PIGL: variants seen among roughly 807,000 people sequenced by gnomAD.
PIGL encodes the protein phosphatidylinositol glycan anchor biosynthesis class L, also known as N-acetylglucosaminyl-phosphatidylinositol de-N-acetylase.
Under a neutral mutation model 31.1 loss-of-function variants are expected in PIGL, and 22 were observed. That is an observed-to-expected ratio of 0.71 (90% CI 0.51 to 1.01). PIGL has a LOEUF of 1.01. Among genes scored for constraint, PIGL ranks in the 50% least tolerant of loss-of-function variants. The probability of loss-of-function intolerance (pLI) is 0.00; values close to 1 mark genes in which losing one functional copy is unlikely to be tolerated. For missense variants in PIGL, 302 were observed against 315.9 expected (o/e 0.96, Z 0.33); for synonymous variants, 131 against 117.4 (o/e 1.12, Z -0.75).
At chr17:16,286,116 G>A (rs972066379) in intron 2 of PIGL, among the ~76,000 whole-genome samples, 4 of 152,266 alleles carry the variant, frequency 2.6e-5, no homozygotes, top group African/African-American at 4.8e-5. Flanking sequence ...AGATGGGCCA[G>A]AGGTGGGTGG....
chr17:16,308,205 T>G (rs1317855223), intron 3 of PIGL, among the ~76,000 whole-genome samples: 14 of 151,920 alleles, frequency 9.2e-5, no homozygotes, highest in Non-Finnish European at 2.1e-4. Flanking sequence ...TGGTGGCAGA[T>G]GCCTGTAATC....
chr17:16,246,670 G>GTTTTTTTTTTTTTT (rs1284256034), intron 2 of PIGL, among the ~76,000 whole-genome samples: 47 of 106,500 alleles, frequency 4.4e-4, no homozygotes, highest in Non-Finnish European at 7.7e-4. Flanking sequence ...CCAGATCAAG[G>GTTTTTTTTTTTTTT]TCTTTTTTTT....
At chr17:16,310,254 A>G (rs1172290360) in intron 3 of PIGL, among the ~76,000 whole-genome samples, 1 of 151,678 alleles carries the variant, frequency 6.6e-6, no homozygotes, top group Non-Finnish European at 1.5e-5. Context: ...TTAAAGTTAC[A>G]GGATCCTAAA....
intron 3 of PIGL, among the ~76,000 whole-genome samples, chr17:16,307,790 G>A (rs1600850410): frequency 6.6e-6 from 1 of 151,764 alleles, no homozygotes; most frequent in Non-Finnish European, 1.5e-5. Context: ...AACATGACAA[G>A]ACCTTGTCTT....
chr17:16,292,138 G>A (rs962660631), intron 2 of PIGL, among the ~76,000 whole-genome samples: 10 of 147,228 alleles, frequency 6.8e-5, no homozygotes, highest in Non-Finnish European at 1.2e-4. Flanking sequence ...AGGTTCAAGC[G>A]ATCTTCCTGC....
chr17:16,314,289 G>A (rs1360638875), intron 4 of PIGL, among the ~76,000 whole-genome samples: 2 of 152,128 alleles, frequency 1.3e-5, no homozygotes, highest in Non-Finnish European at 2.9e-5. Context: ...ACTGAGGAAG[G>A]AAAGAAGCAA....
intron 2 of PIGL, among the ~76,000 whole-genome samples, chr17:16,269,903 T>C (rs1269106295): frequency 1.3e-5 from 2 of 152,110 alleles, no homozygotes; most frequent in African/African-American, 4.8e-5. Context: ...TCAACCAAGA[T>C]TGTCTTCATA....
rs1382843688 is a variant in PIGL, at chr17:16,325,829, C to T, written c.690C>T (p.Leu230=). Reference sequence around the variant, plus strand: ...CCATGTCCTGCCACCGCAGCCAGCTCCTCTGGTTCCGCCGCCTCTACATTA... The same window carrying T: ...CCATGTCCTGCCACCGCAGCCAGCTTCTCTGGTTCCGCCGCCTCTACATTA... ...KKAMSCHRSQ[L]LWFRRLYIIF... is the part of the protein sequence containing the mutation. The change falls in exon 7 of 7, where the codon CTC becomes CTT. Residue 230 remains leucine (L), a synonymous_variant. Coordinates refer to ENST00000225609, the MANE Select transcript of PIGL (RefSeq NM_004278.4). 1.2e-6 allele frequency: 2 copies of T among 1,613,972 alleles called. No individual in the cohort carries two copies. Among genetic ancestry groups the T allele is most frequent in the Non-Finnish European group, 1.7e-6 (2 of 1,179,872 alleles).
intron 6 of PIGL, among the ~76,000 whole-genome samples, chr17:16,323,950 CTTATTTAT>C (rs567855238): frequency 5.2e-4 from 79 of 151,376 alleles, no homozygotes; most frequent in Admixed American, 2.6e-3. Flanking sequence ...GATTATTTCT[CTTATTTAT>C]TTATTTATTT....
chr17:16,291,795 G>A (rs1450092856), intron 2 of PIGL, among the ~76,000 whole-genome samples: 2 of 149,762 alleles, frequency 1.3e-5, no homozygotes, highest in Non-Finnish European at 3.0e-5. Context: ...AATCTGGGAG[G>A]CGGAGGTTGC....
In PIGL at chr17:16,316,722, G is replaced by A. The variant is rs138410893; in HGVS notation, c.526+10G>A. The stretch of plus-strand genomic sequence containing the variant: ...GGGAAGTTACCTAAAGGTAAGGCTT[G>A]TTCCTTTTGCAAAGGGCCACAAGAT... On this transcript the variant is annotated intron_variant, in intron 5 of 6. Coordinates refer to ENST00000225609, the MANE Select transcript of PIGL (RefSeq NM_004278.4). 1,381 of 1,610,170 alleles carry A rather than the reference G, an allele frequency of 8.6e-4. 12 individuals are homozygous for A. In the African/African-American group the frequency reaches 0.016, roughly 18 times the overall value.
At chr17:16,295,649 A>C (rs2092978639) in intron 2 of PIGL, among the ~76,000 whole-genome samples, 1 of 152,000 alleles carries the variant, frequency 6.6e-6, no homozygotes, top group Non-Finnish European at 1.5e-5. Flanking sequence ...CTGTCTCAAA[A>C]AAATAAATTA....
chr17:16,228,263 G>A (rs1273967388), intron 1 of PIGL, among the ~76,000 whole-genome samples: 2 of 151,302 alleles, frequency 1.3e-5, no homozygotes, highest in Non-Finnish European at 2.9e-5. Flanking sequence ...TCACCATGTT[G>A]GCCAGGCTTG....
intron 2 of PIGL, among the ~76,000 whole-genome samples, chr17:16,248,478 G>A (rs1479015393): frequency 6.6e-6 from 1 of 152,094 alleles, no homozygotes; most frequent in African/African-American, 2.4e-5. Flanking sequence ...ATTTTCCAAT[G>A]TCTTATCTCA....
intron 3 of PIGL, among the ~76,000 whole-genome samples, chr17:16,304,406 A>G (rs2093018060): frequency 6.6e-6 from 1 of 152,170 alleles, no homozygotes; most frequent in African/African-American, 2.4e-5. Flanking sequence ...CCAGCTCTGT[A>G]GTACTGCAGG....
At chr17:16,255,965 A>C (rs2092792007) in intron 2 of PIGL, among the ~76,000 whole-genome samples, 1 of 152,178 alleles carries the variant, frequency 6.6e-6, no homozygotes, top group African/African-American at 2.4e-5. Flanking sequence ...CTTCAAAGCC[A>C]GATTATTCTG....
chr17:16,317,410 G>A (rs939179552), intron 5 of PIGL: 2 of 1,000,734 alleles, frequency 2.0e-6, no homozygotes, highest in Admixed American at 4.9e-5. Context: ...ACTTTGCCAA[G>A]TCTGTCAATT....
intron 3 of PIGL, among the ~76,000 whole-genome samples, chr17:16,300,952 G>A (rs938661198): frequency 2.6e-5 from 4 of 152,158 alleles, no homozygotes; most frequent in Admixed American, 2.6e-4. Flanking sequence ...CAGCAGGACT[G>A]CTTAGCCCAT....
chr17:16,288,399 G>A lies in PIGL; in HGVS notation c.336-11489G>A, dbSNP rs139915979. 4.5e-3 allele frequency among the ~76,000 whole-genome samples: 678 copies of A among 152,168 alleles called. 8 individuals carry two copies. Among genetic ancestry groups the A allele is most frequent in the African/African-American group, 0.015 (634 of 41,520 alleles). ...TTTTTGTATTTTTAGTAGAGATGGG[G>A]TTTCTCCGTGTTGGCCAGACTGGTC... On this transcript the variant is annotated intron_variant, in intron 2 of 6. Transcript: ENST00000225609.
Sources: gnomAD v4.1 joint callset for allele counts (sites outside exome capture counted in the v4.1 genomes callset) on GRCh38, gnomAD v4.1.1 for gene constraint, MANE v1.5 for transcripts, NCBI Gene and HGNC (gene_info 2026-07-23, HGNC 2026-07-21) for gene names.